SEC63: variants seen among roughly 807,000 people sequenced by gnomAD.
SEC63 encodes translocation protein SEC63 homolog.
A neutral mutation model predicts 116.2 loss-of-function variants in SEC63; 56 were observed. The observed-to-expected ratio is 0.48, with a 90% confidence interval of 0.39 to 0.60. The LOEUF (loss-of-function observed/expected upper bound fraction) is 0.60. Ranked by LOEUF, SEC63 falls within the 20% of genes least tolerant of loss-of-function variation. SEC63 has a pLI of 0.00. For missense variants in SEC63, 668 were observed against 900.0 expected (o/e 0.74, Z 3.30); for synonymous variants, 273 against 294.6 (o/e 0.93, Z 0.75).
At chr6:107,885,888 T>C (rs966980996) in intron 16 of SEC63, among the ~76,000 whole-genome samples, 9 of 152,166 alleles carry the variant, frequency 5.9e-5, no homozygotes, top group Admixed American at 4.6e-4. Flanking sequence ...CTTAAAGTTC[T>C]GGGGTACATG....
chr6:107,908,751 A>G (rs1246284739), intron 8 of SEC63, among the ~76,000 whole-genome samples, 176 bp downstream of exon 8: 10 of 152,234 alleles, frequency 6.6e-5, no homozygotes, highest in Non-Finnish European at 1.3e-4. Context: ...GAAAATATAA[A>G]TTAAGAAATG....
rs1787104002 is a variant in SEC63 at position 107,904,727 on chromosome 6, AAAC to A, written c.962-9_962-7del. 6.3e-7 allele frequency: 1 copy of A among 1,589,982 alleles called. No individual in the cohort carries two copies. The highest frequency in any genetic ancestry group is 1.3e-5 in the African/African-American group (1 of 74,422). ...TTTTAGCATGAATTGCTGATCTGCAAAACAATAAAAAACCTGAAACAGATCATT... is the reference window on the plus strand; with the variant it reads ...TTTTAGCATGAATTGCTGATCTGCAAAATAAAAAACCTGAAACAGATCATT... On this transcript the variant is annotated splice_region_variant and splice_polypyrimidine_tract_variant and intron_variant, in intron 10 of 20. Transcript: ENST00000369002.
intron 1 of SEC63, among the ~76,000 whole-genome samples, chr6:107,935,242 G>C (rs934815141): frequency 6.6e-6 from 1 of 151,726 alleles, no homozygotes; most frequent in African/African-American, 2.4e-5. Context: ...CGCCCCTACT[G>C]GGAAGTGAGG....
Position 107,911,351 on chromosome 6 carries a change from C to T in SEC63, c.619G>A (p.Val207Ile). 1.2e-6 allele frequency: 2 copies of T among 1,606,040 alleles called. No homozygotes were observed. ...GLAFMVILPV[V>I]VGSWWYRSIR... ...CTTAAAAAGCTAAAACTTACCACAA[C>T]AACTGGAAGGATAACCATAAATGCC... The change falls in exon 7 of 21, where the codon GTT (valine) becomes ATT (isoleucine). Residue 207 changes from valine to isoleucine, a missense_variant. Val to Ile is a conservative substitution (Grantham distance 29). This residue lies in a region of SEC63 where 430 missense variants were observed against 557.5 expected (regional missense o/e 0.77). Coordinates refer to ENST00000369002, the MANE Select transcript of SEC63 (RefSeq NM_007214.5).
intron 1 of SEC63, chr6:107,955,988 T>G (rs1770703135): frequency 2.4e-6 from 1 of 424,472 alleles, no homozygotes; most frequent in South Asian, 1.7e-5. Context: ...CTTTCAAATT[T>G]CAAAAATCCA....
chr6:107,948,311 A>G (rs1770516846), intron 1 of SEC63, among the ~76,000 whole-genome samples: 1 of 152,104 alleles, frequency 6.6e-6, no homozygotes, highest in Non-Finnish European at 1.5e-5. Flanking sequence ...AGTTGAGTCC[A>G]ACAAACAGTC....
chr6:107,896,006 A>G (rs1396608116), intron 14 of SEC63, among the ~76,000 whole-genome samples: 2 of 151,902 alleles, frequency 1.3e-5, no homozygotes, highest in East Asian at 3.9e-4. Context: ...TTCTACTAAA[A>G]ATACAAAAAA....
chr6:107,895,538 C>T (rs1054398410), intron 14 of SEC63, among the ~76,000 whole-genome samples: 10 of 151,544 alleles, frequency 6.6e-5, no homozygotes, highest in South Asian at 2.1e-4. Flanking sequence ...GTGAGACCTC[C>T]ATCTCTCTAA....
chr6:107,874,459 A>C (rs12526693), intron 19 of SEC63, among the ~76,000 whole-genome samples: 1 of 151,602 alleles, frequency 6.6e-6, no homozygotes, highest in Admixed American at 6.6e-5. Flanking sequence ...AGCTGGGTGC[A>C]GTGGCGGGCG....
intron 14 of SEC63, 80 bp downstream of exon 14, chr6:107,897,569 G>A: frequency 3.0e-6 from 3 of 1,011,228 alleles, no homozygotes; most frequent in African/African-American, 1.6e-5. Context: ...CAACAGTTTT[G>A]ACTTTGACAA....
At position 107,924,850 on chromosome 6, in the gene SEC63, A is replaced by G; in HGVS notation, c.307T>C (p.Tyr103His). 2.5e-6 allele frequency: 4 copies of G among 1,577,728 alleles called. No individual in the cohort carries two copies. Among genetic ancestry groups the G allele is most frequent in the South Asian group, 1.1e-5 (1 of 90,290 alleles). Residue 103 changes from tyrosine to histidine, a missense_variant, in exon 3 of 21, where the codon TAC (tyrosine) becomes CAC (histidine). Physicochemically the swap from Tyr to His is moderately conservative, Grantham distance 83 (BLOSUM62 2). Around this residue, in one of 5 missense-constraint regions of SEC63, gnomAD observed 142 missense variants for 169.5 expected, o/e 0.84. Coordinates refer to ENST00000369002, the MANE Select transcript of SEC63 (RefSeq NM_007214.5). ...VSKTDREYQE[Y>H]NPYEVLNLDP... ...AAATTTAATACTTCATAAGGATTGT[A>G]TTCTTGGTATTCTCGGTCTGTTTTG...
intron 1 of SEC63, among the ~76,000 whole-genome samples, chr6:107,949,798 ATT>A (rs1770544038): frequency 6.6e-6 from 1 of 151,928 alleles, no homozygotes; most frequent in African/African-American, 2.4e-5. Flanking sequence ...CCTGGCTAAT[ATT>A]TTTTTGTTTG....
At chr6:107,887,716 T>C (rs1171774659) in intron 16 of SEC63, among the ~76,000 whole-genome samples, 4 of 152,146 alleles carry the variant, frequency 2.6e-5, no homozygotes, top group South Asian at 2.1e-4. Flanking sequence ...ACCCGCACAA[T>C]GTGCACATGT....
rs183949132 is a variant in SEC63, at chr6:107,874,650, G to C, written c.2035-1738C>G. 4.0e-3 allele frequency among the ~76,000 whole-genome samples: 604 copies of C among 151,560 alleles called. 3 individuals are homozygous for C. Among genetic ancestry groups the C allele is most frequent in the African/African-American group, 0.014 (565 of 41,292 alleles). On this transcript the variant is annotated intron_variant, in intron 19 of 20. Coordinates refer to ENST00000369002, the MANE Select transcript of SEC63 (RefSeq NM_007214.5). The stretch of plus-strand genomic sequence containing the variant: ...CAAGAAAGTATTCAACACTAAAGAG[G>C]CATGACAACCAAATACAATGTAAAA...
intron 1 of SEC63, among the ~76,000 whole-genome samples, chr6:107,955,211 G>A (rs1192829381): frequency 2.0e-5 from 3 of 152,134 alleles, no homozygotes; most frequent in East Asian, 3.9e-4. Flanking sequence ...TGCATTGCTG[G>A]AGTGTGGTGG....
intron 1 of SEC63, among the ~76,000 whole-genome samples, chr6:107,953,839 A>G (rs1770638722): frequency 7.6e-6 from 1 of 131,222 alleles, no homozygotes; most frequent in Admixed American, 7.2e-5. Context: ...TCCGGGAGGG[A>G]GGTGGGGGGG....
At chr6:107,898,308 C>A (rs987433092) in intron 13 of SEC63, among the ~76,000 whole-genome samples, 1 of 151,368 alleles carries the variant, frequency 6.6e-6, no homozygotes, top group Non-Finnish European at 1.5e-5. Context: ...AATACCCAAA[C>A]CCACACAACA....
chr6:107,922,274 T>C (rs1442571169), intron 3 of SEC63, among the ~76,000 whole-genome samples: 1 of 152,198 alleles, frequency 6.6e-6, no homozygotes, highest in African/African-American at 2.4e-5. Context: ...GAAGCCAAGG[T>C]GGGCGGATCA....
chr6:107,876,665 G>GCAAA lies in SEC63; in HGVS notation c.1936-4_1936-3insTTTG. On this transcript the variant is annotated splice_region_variant and splice_polypyrimidine_tract_variant and intron_variant, in intron 18 of 20. Transcript: ENST00000369002. Reference sequence around the variant, plus strand: ...AGCCACCACCATTCTTGTTTTTCCTGGAAACAAAAAAAAAAAAAAAAAAAG... The same window carrying GCAAA: ...AGCCACCACCATTCTTGTTTTTCCTGCAAAGAAACAAAAAAAAAAAAAAAAAAAG... 9.2e-6 allele frequency: 6 copies of GCAAA among 655,684 alleles called. No individual in the cohort carries two copies. Among genetic ancestry groups the GCAAA allele is most frequent in the Non-Finnish European group, 1.2e-5 (6 of 497,422 alleles). The allele number at this position is 655,684 out of a possible 1,614,324, so 40.6% of individuals were successfully genotyped here. A position where few individuals can be genotyped will look rare whatever the true frequency, so the allele number is the denominator to read the frequency against.
Sources: gnomAD v4.1 joint callset for allele counts (sites outside exome capture counted in the v4.1 genomes callset) on GRCh38, gnomAD v4.1.1 for gene constraint, gnomAD v4.1.1 regional missense constraint, MANE v1.5 for transcripts, NCBI Gene and HGNC (gene_info 2026-07-23, HGNC 2026-07-21) for gene names.